CDH4: variants seen among roughly 807,000 people sequenced by gnomAD.
CDH4 encodes cadherin 4, also known as cadherin-4.
A neutral mutation model predicts 86.0 loss-of-function variants in CDH4; 33 were observed. The ratio of observed to expected loss-of-function variants is 0.38; its 90% CI spans 0.29 to 0.51. The LOEUF is 0.51. CDH4 is among the 20% of genes least tolerant of loss of function. The pLI, the probability that CDH4 is intolerant of heterozygous loss-of-function variation, is 0.86. For synonymous variants in CDH4, 555 were observed against 549.4 expected, an observed-to-expected ratio of 1.01 and a Z score of -0.14; for missense variants, 1,114 against 1,307.4, an observed-to-expected ratio of 0.85 and a Z score of 2.28.
At position 61,739,848 on chromosome 20, in the gene CDH4, G is replaced by T. The variant is rs116695679; in HGVS notation, c.170-3715G>T. 2.4e-3 allele frequency among the ~76,000 whole-genome samples: 373 copies of T among 152,348 alleles called. 2 individuals carry two copies. Among genetic ancestry groups the T allele is most frequent in the African/African-American group, 8.6e-3 (359 of 41,586 alleles). ...ACAGAAAGTTCTATAAGCAGTTGGG[G>T]GCCTCTCCAGCCGACGCCTCAGGCT... is the stretch of plus-strand genomic sequence containing the variant. On this transcript the variant is annotated intron_variant, in intron 2 of 15. Transcript: ENST00000614565.
chr20:61,672,566 A>G (rs2087402201), intron 2 of CDH4, among the ~76,000 whole-genome samples: 1 of 152,148 alleles, frequency 6.6e-6, no homozygotes, highest in Admixed American at 6.5e-5. Flanking sequence ...CTCTGTGAGA[A>G]ATGAGGTGTG....
chr20:61,466,594 A>C (rs1484408153), intron 2 of CDH4, among the ~76,000 whole-genome samples: 1 of 152,152 alleles, frequency 6.6e-6, no homozygotes, highest in African/African-American at 2.4e-5. Flanking sequence ...CTATAATCTT[A>C]GCACTTTGGA....
intron 4 of CDH4, among the ~76,000 whole-genome samples, chr20:61,790,516 T>C (rs1270368881): frequency 7.2e-6 from 1 of 138,770 alleles, no homozygotes; most frequent in Non-Finnish European, 1.6e-5. Context: ...TTCATCTTTC[T>C]ACCTATCCAT....
chr20:61,440,167 A>C (rs2085306744), intron 2 of CDH4, among the ~76,000 whole-genome samples: 1 of 152,218 alleles, frequency 6.6e-6, no homozygotes, highest in Non-Finnish European at 1.5e-5. Flanking sequence ...AAGTGCAGGA[A>C]TTGCAGCCAC....
intron 2 of CDH4, among the ~76,000 whole-genome samples, chr20:61,611,157 C>A (rs2086682433): frequency 6.6e-6 from 1 of 152,060 alleles, no homozygotes; most frequent in Admixed American, 6.5e-5. Context: ...TAGTCCCCAA[C>A]TGCAGTGAGT....
chr20:61,848,378 CTTTTGTTTTTT>C (rs1982555355), intron 5 of CDH4, among the ~76,000 whole-genome samples: 1 of 152,168 alleles, frequency 6.6e-6, no homozygotes, highest in African/African-American at 2.4e-5. Flanking sequence ...TTTTGTTTTT[CTTTTGTTTTTT>C]GAGACAGGGT....
At chr20:61,647,568 T>TCC (rs2087077658) in intron 2 of CDH4, among the ~76,000 whole-genome samples, 3 of 103,340 alleles carry the variant, frequency 2.9e-5, no homozygotes, top group Non-Finnish European at 5.8e-5. Context: ...CCTCTCCCTC[T>TCC]CCCTCCCTCC....
intron 2 of CDH4, among the ~76,000 whole-genome samples, chr20:61,515,890 C>T (rs1251234280): frequency 5.3e-5 from 8 of 152,282 alleles, no homozygotes; most frequent in East Asian, 1.9e-4. Flanking sequence ...CTCTGTTTCC[C>T]GCGTGGCTTG....
Position 61,743,807 on chromosome 20 carries a change from G to A in CDH4, c.396+18G>A, listed in dbSNP as rs375223593. On this transcript the variant is annotated intron_variant, in intron 3 of 15. Transcript: ENST00000614565. ...GACACAAGGTAAGGTGTGACCGCCCGGGTCTGCGCTGGAGTTTAGATGACC... is the reference window on the plus strand; with the variant it reads ...GACACAAGGTAAGGTGTGACCGCCCAGGTCTGCGCTGGAGTTTAGATGACC... 3.9e-5 allele frequency: 61 copies of A among 1,555,812 alleles called. No individual in the cohort carries two copies. The African/African-American group carries it at 6.9e-4, about 18-fold the overall frequency.
intron 8 of CDH4, among the ~76,000 whole-genome samples, chr20:61,908,605 G>A (rs779534230): frequency 1.8e-4 from 28 of 152,182 alleles, no homozygotes; most frequent in Non-Finnish European, 2.6e-4. Context: ...GCCGCCCGAC[G>A]CCCGTTTCCC....
intron 2 of CDH4, among the ~76,000 whole-genome samples, chr20:61,589,998 G>C (rs1976724443): frequency 6.6e-6 from 1 of 151,984 alleles, no homozygotes; most frequent in South Asian, 2.1e-4. Flanking sequence ...GCTGGGAGAG[G>C]GAGTCTCAGG....
chr20:61,716,016 C>G (rs923643823), intron 2 of CDH4, among the ~76,000 whole-genome samples: 10 of 152,248 alleles, frequency 6.6e-5, no homozygotes, highest in African/African-American at 2.4e-4. Flanking sequence ...TTCACCGTGG[C>G]TCCAGGCAGC....
At chr20:61,372,938 C>T (rs926749834) in intron 2 of CDH4, among the ~76,000 whole-genome samples, 1 of 152,268 alleles carries the variant, frequency 6.6e-6, no homozygotes, top group African/African-American at 2.4e-5. Flanking sequence ...AACCCCAGCC[C>T]CGTGCCCTCC....
intron 2 of CDH4, among the ~76,000 whole-genome samples, chr20:61,598,111 G>A (rs543726742): frequency 6.6e-6 from 1 of 152,296 alleles, no homozygotes; most frequent in South Asian, 2.1e-4. Context: ...GACACGCCGG[G>A]CACTGTGGGG....
intron 2 of CDH4, among the ~76,000 whole-genome samples, chr20:61,354,724 G>T (rs1004384919): frequency 6.6e-5 from 10 of 152,230 alleles, no homozygotes. Flanking sequence ...CCAAGGTTTA[G>T]CCCTGGCCTT....
chr20:61,856,453 G>A lies in CDH4; in HGVS notation c.877+3555G>A, dbSNP rs574040390. On this transcript the variant is annotated intron_variant, in intron 6 of 15. Transcript: ENST00000614565. ...TCCCCAACCACCCTGGGATCCACGA[G>A]AATCCTTCATGCACCCCACACTCTT... Among the ~76,000 whole-genome samples, 3 of 139,580 alleles carry A rather than the reference G, an allele frequency of 2.1e-5. No individual in the cohort carries two copies. The East Asian group carries it at 6.4e-4, about 30-fold the overall frequency. The allele number at this position is 139,580 out of a possible 152,430, so 91.6% of individuals were successfully genotyped here. A position where few individuals can be genotyped will look rare whatever the true frequency, so the allele number is the denominator to read the frequency against.
At chr20:61,787,237 GAC>G (rs1290660978) in intron 4 of CDH4, among the ~76,000 whole-genome samples, 1 of 152,008 alleles carries the variant, frequency 6.6e-6, no homozygotes, top group African/African-American at 2.4e-5. Flanking sequence ...TGCTAATAAA[GAC>G]ATACCCAAGA....
chr20:61,804,232 A>AG (rs920370565), intron 4 of CDH4, among the ~76,000 whole-genome samples: 5 of 152,140 alleles, frequency 3.3e-5, no homozygotes, highest in African/African-American at 1.2e-4. Flanking sequence ...CCCTCAGGTG[A>AG]GGGGCTGGCC....
At chr20:61,454,649 G>C (rs2085398126) in intron 2 of CDH4, among the ~76,000 whole-genome samples, 1 of 152,170 alleles carries the variant, frequency 6.6e-6, no homozygotes, top group Non-Finnish European at 1.5e-5. Flanking sequence ...GTTTCACCGT[G>C]TTTGCCAGGA....
Sources: gnomAD v4.1 joint callset for allele counts (sites outside exome capture counted in the v4.1 genomes callset) on GRCh38, gnomAD v4.1.1 for gene constraint, MANE v1.5 for transcripts, NCBI Gene and HGNC (gene_info 2026-07-23, HGNC 2026-07-21) for gene names.